Variants in CADPS2 observed in about 807,000 individuals in gnomAD.
CADPS2 encodes the protein calcium dependent secretion activator 2.
A neutral mutation model predicts 172.5 loss-of-function variants in CADPS2; 93 were observed. The observed-to-expected ratio is 0.54, with a 90% CI of 0.46 to 0.64. CADPS2 has a LOEUF of 0.64. Among genes scored for constraint, CADPS2 ranks in the 30% least tolerant of loss-of-function variants. The probability of loss-of-function intolerance (pLI) is 0.00; values close to 1 mark genes in which losing one functional copy is unlikely to be tolerated. For missense variants in CADPS2, 1,420 were observed against 1,565.9 expected (o/e 0.91, Z 1.57); for synonymous variants, 546 against 555.2 (o/e 0.98, Z 0.23).
intron 18 of CADPS2, among the ~76,000 whole-genome samples, chr7:122,415,298 A>C (rs2047751342): frequency 6.6e-6 from 1 of 152,160 alleles, no homozygotes; most frequent in Non-Finnish European, 1.5e-5. Flanking sequence ...ACGTTAACTT[A>C]CATTTCTAAA....
At chr7:122,649,754 T>A (rs1350038177) in intron 3 of CADPS2, among the ~76,000 whole-genome samples, 8 of 152,138 alleles carry the variant, frequency 5.3e-5, no homozygotes. Context: ...GATTTATACA[T>A]CTATACCATT....
At chr7:122,616,440 CAAGAG>C (rs1166794414) in intron 5 of CADPS2, among the ~76,000 whole-genome samples, 1 of 152,034 alleles carries the variant, frequency 6.6e-6, no homozygotes, top group African/African-American at 2.4e-5. Flanking sequence ...AGCTCTGTTA[CAAGAG>C]AAGGGTCATG....
At chr7:122,383,035 T>C (rs1018497915) in intron 24 of CADPS2, among the ~76,000 whole-genome samples, 3 of 152,110 alleles carry the variant, frequency 2.0e-5, no homozygotes, top group African/African-American at 7.2e-5. Context: ...TGAACTTGTA[T>C]GTTCATTGCC....
At chr7:122,386,858 G>T (rs1340217021) in intron 24 of CADPS2, among the ~76,000 whole-genome samples, 168 bp downstream of exon 24, 1 of 152,096 alleles carries the variant, frequency 6.6e-6, no homozygotes, top group Non-Finnish European at 1.5e-5. Context: ...AGGAGAAACT[G>T]ACATGAGCAA....
intron 8 of CADPS2, among the ~76,000 whole-genome samples, chr7:122,541,798 C>A (rs1283899702): frequency 1.1e-5 from 1 of 88,920 alleles, no homozygotes; most frequent in Non-Finnish European, 2.7e-5. Flanking sequence ...TTTATATATT[C>A]ATATATATTT....
chr7:122,869,482 A>G (rs1337227658), intron 1 of CADPS2, among the ~76,000 whole-genome samples: 1 of 152,012 alleles, frequency 6.6e-6, no homozygotes, highest in East Asian at 1.9e-4. Context: ...TACCCAGCAA[A>G]CCTGTCCTTC....
intron 5 of CADPS2, among the ~76,000 whole-genome samples, chr7:122,615,940 C>G (rs1264800897): frequency 2.0e-5 from 3 of 151,886 alleles, no homozygotes; most frequent in Non-Finnish European, 4.4e-5. Flanking sequence ...TAATTTAATT[C>G]AGTACACTGG....
intron 20 of CADPS2, among the ~76,000 whole-genome samples, chr7:122,399,623 CTAT>C (rs2045626583): frequency 7.3e-6 from 1 of 136,794 alleles, no homozygotes; most frequent in Admixed American, 7.7e-5. Flanking sequence ...TTGAGTACAG[CTAT>C]ATCATGATCG....
At position 122,784,281 on chromosome 7, in the gene CADPS2, G is replaced by A. The variant is rs556061979; in HGVS notation, c.340-47213C>T. 1.8e-4 allele frequency among the ~76,000 whole-genome samples: 27 copies of A among 152,152 alleles called. No individual in the cohort carries two copies. The South Asian group carries it at 5.0e-3, about 28-fold the overall frequency. On this transcript the variant is annotated intron_variant, in intron 1 of 29. Coordinates refer to ENST00000449022, the MANE Select transcript of CADPS2 (RefSeq NM_017954.11). ...ATTCACCATTCCCAACTTTCAGGTC[G>A]TTGGGTACTGTTTACTTTTAGATTT...
chr7:122,646,639 A>G (rs766976391), intron 3 of CADPS2, among the ~76,000 whole-genome samples: 16 of 152,184 alleles, frequency 1.1e-4, no homozygotes, highest in Non-Finnish European at 2.2e-4. Context: ...AAGAATCGTT[A>G]CATGAGAAGG....
intron 3 of CADPS2, among the ~76,000 whole-genome samples, chr7:122,640,416 T>C (rs1407061345): frequency 6.6e-6 from 1 of 151,934 alleles, no homozygotes; most frequent in Non-Finnish European, 1.5e-5. Flanking sequence ...AATAATTATC[T>C]TTCTTTACTG....
intron 14 of CADPS2, among the ~76,000 whole-genome samples, chr7:122,463,326 T>G (rs1447933629): frequency 1.9e-5 from 1 of 52,554 alleles, no homozygotes; most frequent in African/African-American, 9.4e-5. Flanking sequence ...ATTCTTAGAT[T>G]TTTTTTTTTT....
intron 2 of CADPS2, among the ~76,000 whole-genome samples, chr7:122,674,199 C>A (rs963931310): frequency 6.6e-6 from 1 of 152,154 alleles, no homozygotes; most frequent in South Asian, 2.1e-4. Flanking sequence ...CGGGTCCCCG[C>A]CCGCACCTCT....
chr7:122,806,717 C>T (rs1461593984), intron 1 of CADPS2, among the ~76,000 whole-genome samples: 2 of 152,234 alleles, frequency 1.3e-5, no homozygotes, highest in Non-Finnish European at 1.5e-5. Flanking sequence ...TCCCCCAGAC[C>T]TACCACTTAG....
At chr7:122,736,216 A>T (rs2137774121) in intron 2 of CADPS2, among the ~76,000 whole-genome samples, 1 of 152,292 alleles carries the variant, frequency 6.6e-6, no homozygotes, top group African/African-American at 2.4e-5. Flanking sequence ...GCCTCAGGTA[A>T]GTTCAGACCC....
intron 9 of CADPS2, among the ~76,000 whole-genome samples, chr7:122,500,061 C>T (rs2059071330): frequency 6.6e-6 from 1 of 152,148 alleles, no homozygotes; most frequent in African/African-American, 2.4e-5. Flanking sequence ...CCAGACGGAC[C>T]ATCCAGCAAG....
At chr7:122,645,112 A>G (rs978124277) in intron 3 of CADPS2, among the ~76,000 whole-genome samples, 6 of 151,608 alleles carry the variant, frequency 4.0e-5, no homozygotes, top group African/African-American at 1.5e-4. Context: ...AGGCAAGAAC[A>G]TAAGAAGTTT....
chr7:122,644,261 A>G (rs2078051469), intron 3 of CADPS2, among the ~76,000 whole-genome samples: 1 of 152,226 alleles, frequency 6.6e-6, no homozygotes, highest in South Asian at 2.1e-4. Context: ...TAATTGCATT[A>G]TCTACACATA....
intron 7 of CADPS2, among the ~76,000 whole-genome samples, chr7:122,559,313 C>A: frequency 6.6e-6 from 1 of 152,246 alleles, no homozygotes; most frequent in African/African-American, 2.4e-5. Context: ...TGTAACATTA[C>A]TCTAGGTTCT....
Sources: gnomAD v4.1 joint callset for allele counts (sites outside exome capture counted in the v4.1 genomes callset) on GRCh38, gnomAD v4.1.1 for gene constraint, MANE v1.5 for transcripts, NCBI Gene and HGNC (gene_info 2026-07-23, HGNC 2026-07-21) for gene names.